ARHGAP32: variants seen among roughly 807,000 people sequenced by gnomAD.
ARHGAP32 encodes the protein Rho GTPase activating protein 32, also known as rho GTPase-activating protein 32.
ARHGAP32 carries 51 observed loss-of-function variants against 186.5 expected under a neutral mutation model. The ratio of observed to expected loss-of-function variants is 0.27; its 90% confidence interval spans 0.22 to 0.35. The LOEUF (loss-of-function observed/expected upper bound fraction) is 0.35. Among genes scored for constraint, ARHGAP32 ranks in the 10% least tolerant of loss-of-function variants. The pLI is 1.00. For synonymous variants in ARHGAP32, 950 were observed against 964.3 expected (o/e 0.99, Z 0.27); for missense variants, 2,186 against 2,623.5 (o/e 0.83, Z 3.64).
Position 129,123,739 on chromosome 11 carries a change from A to C in ARHGAP32, c.359+149T>G. 1 of 748,632 alleles carries C rather than the reference A, an allele frequency of 1.3e-6. No individual in the cohort carries two copies. The highest frequency in any genetic ancestry group is 2.1e-6 in the Non-Finnish European group (1 of 482,216). The allele number at this position is 748,632 out of a possible 1,614,324, so 46.4% of individuals were successfully genotyped here. A position where few individuals can be genotyped will look rare whatever the true frequency, so the allele number is the denominator to read the frequency against. Reference sequence around the variant, plus strand: ...TTTAGTGTACAGATCAAAACCCAAAATAAAAAAAGCATCACCGTTATCTCC... The same window carrying C: ...TTTAGTGTACAGATCAAAACCCAAACTAAAAAAAGCATCACCGTTATCTCC... On this transcript the variant is annotated intron_variant, in intron 4 of 22. Transcript: ENST00000682385. This position sits in a 1 kb window ranked among gnomAD's most constrained non-coding sequence, Gnocchi z 4.6.
intron 6 of ARHGAP32, 90 bp downstream of exon 6, chr11:129,093,531 T>C (rs548328188): frequency 1.0e-5 from 9 of 876,902 alleles, no homozygotes; most frequent in Non-Finnish European, 1.7e-5. Context: ...TTATATCCTT[T>C]AGGCAAATCA....
At chr11:129,212,504 T>C (rs968965735) in intron 1 of ARHGAP32, among the ~76,000 whole-genome samples, 1 of 152,182 alleles carries the variant, frequency 6.6e-6, no homozygotes, top group African/African-American at 2.4e-5. Flanking sequence ...TGGAGCAAAT[T>C]ATTCTTATTT....
chr11:129,227,079 T>C (rs911186486), intron 1 of ARHGAP32, among the ~76,000 whole-genome samples: 4 of 152,060 alleles, frequency 2.6e-5, no homozygotes, highest in Non-Finnish European at 5.9e-5. Context: ...GGGTACATGA[T>C]GTATAAAGAA....
At chr11:129,140,527 A>G (rs2135425792) in intron 2 of ARHGAP32, among the ~76,000 whole-genome samples, 1 of 152,308 alleles carries the variant, frequency 6.6e-6, no homozygotes, top group Admixed American at 6.5e-5. Flanking sequence ...ATGCTCCTTT[A>G]TCTCTCATGG....
At chr11:129,058,767 G>T (rs1786462) in intron 10 of ARHGAP32, among the ~76,000 whole-genome samples, 18,884 of 152,190 alleles carry the variant, frequency 0.12, 1,331 homozygotes, top group Non-Finnish European at 0.15. Flanking sequence ...AAAAACCACC[G>T]AACTAAGCTA....
chr11:129,082,854 C>T (rs1004444432), intron 6 of ARHGAP32, among the ~76,000 whole-genome samples: 1 of 152,000 alleles, frequency 6.6e-6, no homozygotes, highest in Non-Finnish European at 1.5e-5. Flanking sequence ...CCAGAATCTA[C>T]AAGGAACCCA....
In ARHGAP32 at chr11:128,969,171, G is replaced by C; in HGVS notation, c.6042C>G (p.Asp2014Glu). 1.2e-6 allele frequency: 2 copies of C among 1,613,436 alleles called. No individual in the cohort carries two copies. ...KLHHTQNVERDPSVLYQYQPH... is the reference protein window; with the variant it reads ...KLHHTQNVEREPSVLYQYQPH... ...GTTGGTACTGGTACAGCACACTGGGGTCCCTCTCCACGTTCTGGGTATGAT... is the reference window on the plus strand; with the variant it reads ...GTTGGTACTGGTACAGCACACTGGGCTCCCTCTCCACGTTCTGGGTATGAT... Residue 2014 changes from aspartate (D) to glutamate (E), a missense_variant, in exon 23 of 23, where the codon GAC (aspartate) becomes GAG (glutamate). Asp to Glu is a conservative substitution (Grantham distance 45). This residue lies in a region of ARHGAP32 where 1,502 missense variants were observed against 1,570.0 expected (regional missense o/e 0.96). Transcript: ENST00000682385. This position sits in a 1 kb window ranked among gnomAD's most constrained non-coding sequence, Gnocchi z 4.8.
intron 1 of ARHGAP32, among the ~76,000 whole-genome samples, chr11:129,216,689 A>AG (rs1424544665): frequency 4.8e-5 from 7 of 145,868 alleles, no homozygotes; most frequent in South Asian, 4.3e-4. Flanking sequence ...AAAAAAAAAA[A>AG]AAAAGACAAT....
intron 10 of ARHGAP32, among the ~76,000 whole-genome samples, chr11:129,050,308 TTGA>T (rs1486206358): frequency 1.3e-5 from 2 of 152,262 alleles, no homozygotes; most frequent in Non-Finnish European, 2.9e-5. Flanking sequence ...ACATATCCTT[TTGA>T]TGATATCTCT....
chr11:129,014,230 T>C lies in ARHGAP32; in HGVS notation c.1046-15762A>G, dbSNP rs1938223918. Among the ~76,000 whole-genome samples, 3 of 152,148 alleles carry C rather than the reference T, an allele frequency of 2.0e-5. No individual in the cohort carries two copies. The South Asian group carries it at 6.2e-4, about 32-fold the overall frequency. The stretch of plus-strand genomic sequence containing the variant: ...CAGTCTTTCCAGTAGTTAAAAGCCT[T>C]TGCAGTATGACACACGACCTAGTAT... On this transcript the variant is annotated intron_variant, in intron 11 of 22. Transcript: ENST00000682385.
At position 128,970,131 on chromosome 11, in the gene ARHGAP32, G is replaced by A. The variant is rs183293077; in HGVS notation, c.5082C>T (p.Pro1694=). The part of the protein sequence containing the change: ...VDAYGTVQLR[P]LHRLPNRDFA... ...AGTCTCGATTGGGAAGGCGGTGAAG[G>A]GGTCTCAACTGGACTGTGCCATAGG... is the stretch of plus-strand genomic sequence containing the variant. The change falls in exon 23 of 23, where the codon CCC becomes CCT. Residue 1694 remains proline (P), a synonymous_variant. Transcript: ENST00000682385. The surrounding 1 kb of genome is among the most constrained non-coding windows in gnomAD (Gnocchi z 5.8). 3.7e-4 allele frequency: 595 copies of A among 1,614,212 alleles called. 2 individuals carry two copies. The highest frequency in any genetic ancestry group is 6.5e-4 in the Admixed American group (39 of 60,032).
chr11:128,975,177 G>C (rs1361422343), intron 20 of ARHGAP32, among the ~76,000 whole-genome samples, 175 bp from the exon 21 acceptor site: 1 of 152,142 alleles, frequency 6.6e-6, no homozygotes, highest in Non-Finnish European at 1.5e-5. Context: ...TGAGATAACA[G>C]AACTCCAAAA....
At chr11:129,239,819 C>A (rs950267613) in intron 1 of ARHGAP32, among the ~76,000 whole-genome samples, 3 of 152,140 alleles carry the variant, frequency 2.0e-5, no homozygotes, top group Non-Finnish European at 4.4e-5. Flanking sequence ...AAATCCAACT[C>A]AAATGCCACT....
intron 1 of ARHGAP32, among the ~76,000 whole-genome samples, chr11:129,276,133 G>A (rs989714635): frequency 2.0e-5 from 3 of 152,200 alleles, no homozygotes; most frequent in African/African-American, 4.8e-5. Flanking sequence ...AAAAGCAGCA[G>A]CAGCAGTAGC....
intron 5 of ARHGAP32, 35 bp from the exon 6 acceptor site, chr11:129,093,742 A>T (rs1261703571): frequency 7.0e-7 from 1 of 1,430,364 alleles, no homozygotes; most frequent in African/African-American, 1.4e-5. Context: ...GGGGGAAAGA[A>T]AGTCATGATT....
rs983209561 is a variant in ARHGAP32 at position 129,174,385 on chromosome 11, A to G, written c.117-9958T>C. ...CGGGGAGGGGCGCCCACCATTGCCC[A>G]GGCTTGCTTAGGTAAACAAAGCAGC... On this transcript the variant is annotated intron_variant, in intron 1 of 22. Coordinates refer to ENST00000682385, the MANE Select transcript of ARHGAP32 (RefSeq NM_001378024.1). 5.9e-5 allele frequency among the ~76,000 whole-genome samples: 9 copies of G among 152,314 alleles called. No individual in the cohort carries two copies. In the South Asian group the frequency reaches 1.9e-3, roughly 32 times the overall value.
chr11:129,169,402 C>A (rs1011020477), intron 1 of ARHGAP32, among the ~76,000 whole-genome samples: 6 of 151,664 alleles, frequency 4.0e-5, no homozygotes, highest in Non-Finnish European at 8.8e-5. Flanking sequence ...GAGGCTGAGG[C>A]GGGTGGATCA....
chr11:129,135,780 CA>C (rs979277921), intron 2 of ARHGAP32, among the ~76,000 whole-genome samples: 21 of 151,284 alleles, frequency 1.4e-4, no homozygotes, highest in Admixed American at 2.6e-4. Context: ...AAAAAACAAA[CA>C]AAAAAAGAAT....
upstream of ARHGAP32, among the ~76,000 whole-genome samples, chr11:129,193,257 A>G (rs1399789776): frequency 7.9e-6 from 1 of 126,006 alleles, no homozygotes; most frequent in African/African-American, 3.1e-5. Context: ...GCATCACTTG[A>G]GCTCAAGAGT....
Sources: gnomAD v4.1 joint callset for allele counts (sites outside exome capture counted in the v4.1 genomes callset) on GRCh38, gnomAD v4.1.1 for gene constraint, gnomAD v4.1.1 regional missense constraint, Gnocchi (gnomAD v3.1) non-coding constraint, MANE v1.5 for transcripts, NCBI Gene and HGNC (gene_info 2026-07-23, HGNC 2026-07-21) for gene names.